RAI1: variants seen among roughly 807,000 people sequenced by gnomAD.
RAI1 encodes retinoic acid induced 1.
RAI1 carries 9 observed loss-of-function variants against 123.8 expected under a neutral mutation model. That is an observed-to-expected ratio of 0.07 (90% confidence interval 0.04 to 0.13). The LOEUF (loss-of-function observed/expected upper bound fraction) is 0.13. RAI1 is among the 10% of genes least tolerant of loss of function. The pLI, the probability that RAI1 is intolerant of heterozygous loss-of-function variation, is 1.00. For missense variants in RAI1, 2,256 were observed against 2,545.8 expected, an observed-to-expected ratio of 0.89 and a Z score of 2.45; for synonymous variants, 1,231 against 1,127.3, an observed-to-expected ratio of 1.09 and a Z score of -1.84.
intron 2 of RAI1, among the ~76,000 whole-genome samples, chr17:17,770,159 C>G (rs996189347): frequency 6.6e-6 from 1 of 151,978 alleles, no homozygotes; most frequent in Admixed American, 6.5e-5. Flanking sequence ...TGCAGCCATC[C>G]TGAGTGAGGC....
At chr17:17,737,420 C>G (rs1259496457) in intron 2 of RAI1, among the ~76,000 whole-genome samples, 1 of 152,138 alleles carries the variant, frequency 6.6e-6, no homozygotes, top group Admixed American at 6.5e-5. Context: ...CTTTGCCACC[C>G]CCTGGCCCAA....
chr17:17,783,569 A>G (rs1333367113), intron 2 of RAI1, among the ~76,000 whole-genome samples: 2 of 152,012 alleles, frequency 1.3e-5, no homozygotes, highest in Admixed American at 6.6e-5. Context: ...ACCCCCACAC[A>G]CCCTGCGCTG....
At chr17:17,702,636 G>A (rs1915260389) in intron 1 of RAI1, among the ~76,000 whole-genome samples, 1 of 152,202 alleles carries the variant, frequency 6.6e-6, no homozygotes, top group South Asian at 2.1e-4. Context: ...AACCTAGAGG[G>A]AGGTCCCTAC....
chr17:17,740,462 TCTG>T (rs1358010734), intron 2 of RAI1, among the ~76,000 whole-genome samples: 3 of 152,232 alleles, frequency 2.0e-5, no homozygotes, highest in Non-Finnish European at 4.4e-5. Context: ...AAGTGGTTCA[TCTG>T]CTCTGAGCCC....
At chr17:17,806,516 C>T (rs569445275) in intron 4 of RAI1, among the ~76,000 whole-genome samples, 2 of 152,312 alleles carry the variant, frequency 1.3e-5, no homozygotes, top group East Asian at 1.9e-4. Flanking sequence ...AGGGTGTGGA[C>T]GTGCAAATGG....
At chr17:17,747,343 A>G (rs1262936634) in intron 2 of RAI1, among the ~76,000 whole-genome samples, 1 of 152,148 alleles carries the variant, frequency 6.6e-6, no homozygotes, top group African/African-American at 2.4e-5. Flanking sequence ...CTTGGCACTT[A>G]GCCACTGGCT....
chr17:17,721,839 A>T (rs1382062704), intron 1 of RAI1, among the ~76,000 whole-genome samples: 2 of 152,242 alleles, frequency 1.3e-5, no homozygotes, highest in Non-Finnish European at 2.9e-5. Context: ...GGGGCTGCCC[A>T]GGACCTTAGG....
chr17:17,697,257 G>A (rs1242770207), intron 1 of RAI1, among the ~76,000 whole-genome samples: 1 of 152,236 alleles, frequency 6.6e-6, no homozygotes, highest in Non-Finnish European at 1.5e-5. Flanking sequence ...CCCTGTATCA[G>A]AACAGCATCT....
At chr17:17,683,239 C>T (rs969834477) in intron 1 of RAI1, among the ~76,000 whole-genome samples, 2 of 152,132 alleles carry the variant, frequency 1.3e-5, no homozygotes, top group East Asian at 1.9e-4. Context: ...TTGTCTGCTG[C>T]CCTGGGAGGA....
At chr17:17,723,854 G>T (rs1166797016) in intron 1 of RAI1, among the ~76,000 whole-genome samples, 174 bp from the exon 2 acceptor site, 3 of 149,924 alleles carry the variant, frequency 2.0e-5, no homozygotes, top group Admixed American at 2.0e-4. Flanking sequence ...GACCCCCGGC[G>T]GCCTGTGAAT....
rs757377611 is a variant in RAI1, at chr17:17,798,426, G to A, written c.5478G>A (p.Glu1826=). 4 of 1,610,432 alleles carry A rather than the reference G, an allele frequency of 2.5e-6. No homozygotes were observed. In the South Asian group the frequency reaches 4.4e-5, roughly 18 times the overall value. ...GGEAQEHWVH[E]ACAVWTGGVY... is the part of the protein sequence containing the mutation. The stretch of plus-strand genomic sequence containing the variant: ...AGGCCCAGGAGCACTGGGTGCATGA[G>A]GCCTGTGCCGTGTGGACCGGCGGCG... The change falls in exon 3 of 6, where the codon GAG becomes GAA. Residue 1826 remains glutamate, a synonymous_variant. Coordinates refer to ENST00000353383, the MANE Select transcript of RAI1 (RefSeq NM_030665.4).
intron 1 of RAI1, among the ~76,000 whole-genome samples, chr17:17,707,339 G>A (rs1193202675): frequency 6.6e-6 from 1 of 152,160 alleles, no homozygotes. Flanking sequence ...AAGTAGGTGG[G>A]GAAGGGGCTC....
intron 4 of RAI1, among the ~76,000 whole-genome samples, chr17:17,805,621 C>T (rs2032580673): frequency 6.6e-6 from 1 of 152,192 alleles, no homozygotes; most frequent in Non-Finnish European, 1.5e-5. Context: ...CAGTGTCAGC[C>T]CAGCCAAGCT....
In RAI1 at chr17:17,799,899, G is replaced by A. The variant is rs879635194; in HGVS notation, c.5565+1386G>A. The stretch of plus-strand genomic sequence containing the variant: ...CATTGCCTGGCCAAACCAAGGTCCC[G>A]GTGGGGGCCCACTGTGTTTGCCACC... On this transcript the variant is annotated intron_variant, in intron 3 of 5. Coordinates refer to ENST00000353383, the MANE Select transcript of RAI1 (RefSeq NM_030665.4). The surrounding 1 kb of genome is among the most constrained non-coding windows in gnomAD (Gnocchi z 4.5). 1.6e-4 allele frequency among the ~76,000 whole-genome samples: 25 copies of A among 152,080 alleles called. No individual in the cohort carries two copies. Among genetic ancestry groups the A allele is most frequent in the Admixed American group, 1.3e-3 (20 of 15,284 alleles).
rs779651867 is a variant in RAI1, at chr17:17,797,659, G to T, written c.4711G>T (p.Ala1571Ser). Residue 1571 changes from alanine (A) to serine (S), a missense_variant, in exon 3 of 6, where the codon GCA (alanine) becomes TCA (serine). Around this residue, in one of 7 missense-constraint regions of RAI1, gnomAD observed 410 missense variants for 374.6 expected, o/e 1.09. Transcript: ENST00000353383. Reference sequence around the variant, plus strand: ...GCAGCAGGTGCTGCCCCTGGATCCCGCAGAGCCTGAAATCCGCCTCAAGTA... The same window carrying T: ...GCAGCAGGTGCTGCCCCTGGATCCCTCAGAGCCTGAAATCCGCCTCAAGTA... ...RQQQVLPLDP[A>S]EPEIRLKYIS... 2 of 1,613,730 alleles carry T rather than the reference G, an allele frequency of 1.2e-6. No homozygotes were observed. Among genetic ancestry groups the T allele is most frequent in the African/African-American group, 1.3e-5 (1 of 74,950 alleles).
At chr17:17,750,985 C>A (rs563967247) in intron 2 of RAI1, among the ~76,000 whole-genome samples, 29 of 152,330 alleles carry the variant, frequency 1.9e-4, no homozygotes, top group African/African-American at 4.1e-4. Context: ...GCATCTGTTT[C>A]CTTCCGCCTT....
chr17:17,727,988 A>G (rs1045494170), intron 2 of RAI1, among the ~76,000 whole-genome samples: 3 of 151,548 alleles, frequency 2.0e-5, no homozygotes, highest in Non-Finnish European at 4.4e-5. Flanking sequence ...CTGCTTGTGT[A>G]TTGCTTAAGG....
chr17:17,700,005 C>T (rs1915164176), intron 1 of RAI1, among the ~76,000 whole-genome samples: 1 of 152,246 alleles, frequency 6.6e-6, no homozygotes, highest in South Asian at 2.1e-4. Flanking sequence ...AGCAAGTATC[C>T]ACTACTCCTG....
At chr17:17,708,594 A>C (rs1430575028) in intron 1 of RAI1, among the ~76,000 whole-genome samples, 1 of 152,136 alleles carries the variant, frequency 6.6e-6, no homozygotes, top group Non-Finnish European at 1.5e-5. Flanking sequence ...TTCTAGAATC[A>C]TGGAATCTTA....
Sources: gnomAD v4.1 joint callset for allele counts (sites outside exome capture counted in the v4.1 genomes callset) on GRCh38, gnomAD v4.1.1 for gene constraint, gnomAD v4.1.1 regional missense constraint, Gnocchi (gnomAD v3.1) non-coding constraint, MANE v1.5 for transcripts, NCBI Gene and HGNC (gene_info 2026-07-23, HGNC 2026-07-21) for gene names.